DMGDH: variants seen among roughly 807,000 people sequenced by gnomAD.
DMGDH encodes the protein dimethylglycine dehydrogenase, mitochondrial.
A neutral mutation model predicts 95.2 loss-of-function variants in DMGDH; 76 were observed. The ratio of observed to expected loss-of-function variants is 0.80; its 90% CI spans 0.66 to 0.97. The LOEUF (loss-of-function observed/expected upper bound fraction) is 0.97. DMGDH is among the 50% of genes least tolerant of loss of function. The pLI is 0.00. For missense variants in DMGDH, 987 were observed against 1,055.0 expected, an observed-to-expected ratio of 0.94 and a Z score of 0.89; for synonymous variants, 345 against 377.6, an observed-to-expected ratio of 0.91 and a Z score of 1.00.
chr5:79,033,211 T>C, intron 8 of DMGDH, 28 bp downstream of exon 8: 1 of 1,613,700 alleles, frequency 6.2e-7, no homozygotes, highest in Non-Finnish European at 8.5e-7. Flanking sequence ...GTCAACACTT[T>C]GTAGACAACA....
intron 2 of DMGDH, among the ~76,000 whole-genome samples, chr5:79,057,590 A>G (rs1755068142): frequency 6.6e-6 from 1 of 152,012 alleles, no homozygotes; most frequent in Admixed American, 6.6e-5. Context: ...ATGTGGAAGT[A>G]GAGAAGGGAT....
chr5:79,061,144 C>G (rs773236815), intron 2 of DMGDH, among the ~76,000 whole-genome samples: 2 of 151,062 alleles, frequency 1.3e-5, no homozygotes, highest in Admixed American at 6.6e-5. Flanking sequence ...TGCTTGAGCC[C>G]GTAGGTTGAG....
intron 7 of DMGDH, among the ~76,000 whole-genome samples, chr5:79,037,062 G>A (rs568938472): frequency 6.6e-6 from 1 of 152,284 alleles, no homozygotes; most frequent in East Asian, 1.9e-4. Flanking sequence ...CACACAGCCA[G>A]AAGGTGGCCA....
intron 7 of DMGDH, among the ~76,000 whole-genome samples, chr5:79,041,058 G>A (rs972518359): frequency 6.6e-6 from 1 of 152,122 alleles, no homozygotes; most frequent in Non-Finnish European, 1.5e-5. Flanking sequence ...ACATATAGAC[G>A]GTGGTCAAGT....
At chr5:79,032,195 G>A (rs1683791413) in intron 9 of DMGDH, among the ~76,000 whole-genome samples, 1 of 152,186 alleles carries the variant, frequency 6.6e-6, no homozygotes, top group Non-Finnish European at 1.5e-5. Context: ...CGCTTAACCT[G>A]GAATGCTATG....
chr5:79,050,966 A>G (rs1411609607), intron 5 of DMGDH, among the ~76,000 whole-genome samples: 1 of 152,254 alleles, frequency 6.6e-6, no homozygotes, highest in Admixed American at 6.5e-5. Context: ...CAACACTAGA[A>G]TCTGGTTATT....
intron 1 of DMGDH, among the ~76,000 whole-genome samples, chr5:79,065,749 A>T (rs1755359398): frequency 6.6e-6 from 1 of 152,234 alleles, no homozygotes; most frequent in African/African-American, 2.4e-5. Flanking sequence ...CCGGCAGCAC[A>T]GTAGGTTTGT....
At position 79,030,892 on chromosome 5, in the gene DMGDH, T is replaced by C; in HGVS notation, c.1624A>G (p.Ile542Val). 2 of 1,614,194 alleles carry C rather than the reference T, an allele frequency of 1.2e-6. No individual in the cohort carries two copies. Among genetic ancestry groups the C allele is most frequent in the Admixed American group, 3.3e-5 (2 of 60,028 alleles). The change falls in exon 10 of 16, where the codon ATC (isoleucine) becomes GTC (valine). Residue 542 changes from isoleucine (I) to valine (V), a missense_variant. By Grantham distance (29) the Ile-to-Val change is conservative (BLOSUM62 3). Coordinates refer to ENST00000255189, the MANE Select transcript of DMGDH (RefSeq NM_013391.3). ...AGTCTAATGGAATCTTGGCCTTTGA[T>C]GTTAAACTTGCCAAATGGTGATAGG... is the stretch of plus-strand genomic sequence containing the variant. Reference protein sequence around the residue: ...TDLSPFGKFNIKGQDSIRLLD... With the variant: ...TDLSPFGKFNVKGQDSIRLLD...
intron 4 of DMGDH, among the ~76,000 whole-genome samples, chr5:79,052,322 A>AAG (rs1209039281): frequency 6.6e-6 from 1 of 152,142 alleles, no homozygotes; most frequent in Non-Finnish European, 1.5e-5. Flanking sequence ...GGCCTCATAG[A>AAG]ATGAGTTGAG....
chr5:79,064,869 C>A (rs990781053), intron 1 of DMGDH, among the ~76,000 whole-genome samples: 29 of 152,290 alleles, frequency 1.9e-4, no homozygotes, highest in African/African-American at 6.3e-4. Flanking sequence ...CCTGCCTCAG[C>A]CTCCCATGTA....
At position 79,051,475 on chromosome 5, in the gene DMGDH, T is replaced by C. The variant is rs367867088; in HGVS notation, c.557A>G (p.Tyr186Cys). 1.3e-4 allele frequency: 212 copies of C among 1,614,152 alleles called. No individual in the cohort carries two copies. In the East Asian group the frequency reaches 4.1e-3, roughly 31 times the overall value. Residue 186 changes from tyrosine (Y) to cysteine (C), a missense_variant, in exon 5 of 16, where the codon TAT (tyrosine) becomes TGT (cysteine). Transcript: ENST00000255189. ...ATCAATGTGACCATCTCCAGGATTA[T>C]ACAATCCAGCTAAAACCTAAATCAA... ...LNMNKVLAGL[Y>C]NPGDGHIDPY...
At chr5:79,011,030 C>T (rs148377961) in intron 14 of DMGDH, among the ~76,000 whole-genome samples, 1 of 152,252 alleles carries the variant, frequency 6.6e-6, no homozygotes, top group East Asian at 1.9e-4. Flanking sequence ...CATCACTCAC[C>T]TACAGTCTAT....
At chr5:79,007,699 A>T (rs897734849) in intron 14 of DMGDH, among the ~76,000 whole-genome samples, 3 of 152,194 alleles carry the variant, frequency 2.0e-5, no homozygotes, top group African/African-American at 7.2e-5. Flanking sequence ...CAGATCTGAA[A>T]TTATTTCCTC....
intron 15 of DMGDH, chr5:79,000,278 C>T: frequency 1.5e-6 from 1 of 655,712 alleles, no homozygotes; most frequent in South Asian, 1.4e-5. Flanking sequence ...TTTAAAATCT[C>T]CATGAGATGA....
At chr5:79,037,134 C>A (rs1427322775) in intron 7 of DMGDH, among the ~76,000 whole-genome samples, 1 of 152,146 alleles carries the variant, frequency 6.6e-6, no homozygotes, top group African/African-American at 2.4e-5. Flanking sequence ...TGATCTCAGA[C>A]CTCCAGCCTC....
chr5:79,024,236 A>G (rs1753936875), intron 14 of DMGDH, 35 bp downstream of exon 14: 1 of 1,586,402 alleles, frequency 6.3e-7, no homozygotes, highest in African/African-American at 1.3e-5. Flanking sequence ...TAATGTTAAG[A>G]TTTACTTCAA....
chr5:79,018,124 T>C (rs1753775185), intron 14 of DMGDH, among the ~76,000 whole-genome samples: 1 of 152,214 alleles, frequency 6.6e-6, no homozygotes, highest in Non-Finnish European at 1.5e-5. Context: ...CATGACTCAC[T>C]GCAGCCTTGA....
rs762287789 is a variant in DMGDH, at chr5:79,032,819, C to T, written c.1385G>A (p.Arg462Gln). The part of the protein sequence containing the change: ...NNIVGYPKEE[R>Q]FAGRPTQRVS... Reference sequence around the variant, plus strand: ...TCGTTGAGTCGGCCTCCCAGCAAACCGTTCTTCTTTAGGATAACCAACTGA... The same window carrying T: ...TCGTTGAGTCGGCCTCCCAGCAAACTGTTCTTCTTTAGGATAACCAACTGA... Residue 462 changes from arginine to glutamine, a missense_variant, in exon 9 of 16, where the codon CGG (arginine) becomes CAG (glutamine). Transcript: ENST00000255189. 1.2e-5 allele frequency: 19 copies of T among 1,614,044 alleles called. No homozygotes were observed. The highest frequency in any genetic ancestry group is 6.7e-5 in the East Asian group (3 of 44,894).
At chr5:79,019,364 A>G (rs1442518030) in intron 14 of DMGDH, among the ~76,000 whole-genome samples, 1 of 152,096 alleles carries the variant, frequency 6.6e-6, no homozygotes, top group Non-Finnish European at 1.5e-5. Context: ...CCTCTGACCA[A>G]TCCACATGTT....
Sources: gnomAD v4.1 joint callset for allele counts (sites outside exome capture counted in the v4.1 genomes callset) on GRCh38, gnomAD v4.1.1 for gene constraint, MANE v1.5 for transcripts, NCBI Gene and HGNC (gene_info 2026-07-23, HGNC 2026-07-21) for gene names.